The following TRABD2B variants were observed in gnomAD, a reference collection of about 807,000 sequenced individuals.
The protein encoded by TRABD2B is TraB domain containing 2B.
A neutral mutation model predicts 40.1 loss-of-function variants in TRABD2B; 14 were observed. The observed-to-expected ratio is 0.35, with a 90% CI of 0.23 to 0.55. TRABD2B has a LOEUF of 0.55. Ranked by LOEUF, TRABD2B falls within the 20% of genes least tolerant of loss-of-function variation. TRABD2B has a pLI of 0.90. For missense variants in TRABD2B, 541 were observed against 648.6 expected (o/e 0.83, Z 1.80); for synonymous variants, 263 against 277.0 (o/e 0.95, Z 0.50).
intron 3 of TRABD2B, among the ~76,000 whole-genome samples, chr1:47,797,941 T>C (rs1030960671): frequency 6.6e-6 from 1 of 152,132 alleles, no homozygotes; most frequent in Non-Finnish European, 1.5e-5. Flanking sequence ...CCATGAACCA[T>C]GTCAGGTCTA....
At chr1:47,794,792 T>C in intron 3 of TRABD2B, 32 bp from the exon 4 acceptor site, 1 of 666,982 alleles carries the variant, frequency 1.5e-6, no homozygotes, top group Non-Finnish European at 1.8e-6. Flanking sequence ...TGCCTTCAGT[T>C]TTTTTTTTTT....
chr1:47,800,347 T>G (rs892596989), intron 3 of TRABD2B, among the ~76,000 whole-genome samples: 1 of 152,066 alleles, frequency 6.6e-6, no homozygotes, highest in Non-Finnish European at 1.5e-5. Context: ...AGATTTTAGT[T>G]AAATGCTGCA....
intron 2 of TRABD2B, among the ~76,000 whole-genome samples, chr1:47,951,893 A>T (rs978364779): frequency 2.0e-5 from 3 of 152,230 alleles, no homozygotes; most frequent in African/African-American, 7.2e-5. Context: ...TAATCACAGA[A>T]TGCCAGAGGT....
chr1:47,807,309 A>G (rs1644905831), intron 2 of TRABD2B, among the ~76,000 whole-genome samples: 2 of 152,174 alleles, frequency 1.3e-5, no homozygotes, highest in Non-Finnish European at 2.9e-5. Context: ...GGTGAGGAAG[A>G]GTGTTTCTGG....
chr1:47,937,064 CATT>C lies in TRABD2B; in HGVS notation c.666+56967_666+56969del, dbSNP rs1238802411. 6.3e-5 allele frequency among the ~76,000 whole-genome samples: 9 copies of C among 143,842 alleles called. No homozygotes were observed. In the East Asian group the frequency reaches 1.4e-3, roughly 23 times the overall value. The allele number at this position is 143,842 out of a possible 152,430, so 94.4% of individuals were successfully genotyped here. Reference sequence around the variant, plus strand: ...TCACCACCACCACCATCATTATCATCATTATCACCATCATCATCACCACTACCA... The same window carrying C: ...TCACCACCACCACCATCATTATCATCATCACCATCATCATCACCACTACCA... On this transcript the variant is annotated intron_variant, in intron 2 of 6. Transcript: ENST00000606738.
chr1:47,861,807 C>T (rs892525400), intron 2 of TRABD2B, among the ~76,000 whole-genome samples: 2 of 152,202 alleles, frequency 1.3e-5, no homozygotes, highest in South Asian at 2.1e-4. Flanking sequence ...AAAGACATTA[C>T]AGGAAAAGAA....
chr1:47,866,964 C>A (rs1644067549), intron 2 of TRABD2B, among the ~76,000 whole-genome samples: 2 of 152,188 alleles, frequency 1.3e-5, no homozygotes, highest in South Asian at 4.1e-4. Flanking sequence ...CACAGCCAAT[C>A]TGCCCCTTAC....
At chr1:47,885,433 G>A (rs770298090) in intron 2 of TRABD2B, among the ~76,000 whole-genome samples, 2 of 152,196 alleles carry the variant, frequency 1.3e-5, no homozygotes, top group Non-Finnish European at 2.9e-5. Flanking sequence ...GGCTGTGTCT[G>A]CTTTTTTCCC....
intron 2 of TRABD2B, among the ~76,000 whole-genome samples, chr1:47,844,856 CAG>C (rs1429917223): frequency 6.6e-6 from 1 of 152,184 alleles, no homozygotes; most frequent in Admixed American, 6.5e-5. Flanking sequence ...CTTAGACACT[CAG>C]AGTCAGACTC....
At chr1:47,807,802 T>G (rs1378890435) in intron 2 of TRABD2B, among the ~76,000 whole-genome samples, 1 of 152,234 alleles carries the variant, frequency 6.6e-6, no homozygotes, top group Non-Finnish European at 1.5e-5. Context: ...CCAAAGACTT[T>G]GCATCCTCTT....
chr1:47,827,974 A>G (rs1167058996), intron 2 of TRABD2B, among the ~76,000 whole-genome samples: 2 of 152,174 alleles, frequency 1.3e-5, no homozygotes, highest in Non-Finnish European at 2.9e-5. Context: ...AAGGGGTGGG[A>G]GTCCAGCAAG....
At chr1:47,838,942 T>C (rs757268638) in intron 2 of TRABD2B, among the ~76,000 whole-genome samples, 6 of 152,180 alleles carry the variant, frequency 3.9e-5, no homozygotes, top group Non-Finnish European at 8.8e-5. Flanking sequence ...CCAGCTGGCT[T>C]GCGGCCTGGG....
chr1:47,835,021 T>C (rs1015866715), intron 2 of TRABD2B, among the ~76,000 whole-genome samples: 2 of 152,198 alleles, frequency 1.3e-5, no homozygotes, highest in African/African-American at 4.8e-5. Context: ...GGAAACCATG[T>C]CTGAAGAACT....
chr1:47,802,923 G>C (rs927884290), intron 2 of TRABD2B, among the ~76,000 whole-genome samples: 1 of 152,080 alleles, frequency 6.6e-6, no homozygotes, highest in Non-Finnish European at 1.5e-5. Flanking sequence ...GAGCCTCCAA[G>C]GCAGTAACCT....
intron 2 of TRABD2B, among the ~76,000 whole-genome samples, chr1:47,898,034 A>G (rs528755691): frequency 3.3e-5 from 5 of 152,216 alleles, no homozygotes; most frequent in Admixed American, 2.0e-4. Flanking sequence ...TAATCACTCC[A>G]ACAACACAGG....
intron 2 of TRABD2B, among the ~76,000 whole-genome samples, chr1:47,886,676 C>T (rs1361750156): frequency 6.6e-6 from 1 of 152,160 alleles, no homozygotes; most frequent in South Asian, 2.1e-4. Context: ...TCTTCTATTC[C>T]TTCAGAAATA....
rs569053218 is a variant in TRABD2B, at chr1:47,905,188, G to C, written c.666+88846C>G. On this transcript the variant is annotated intron_variant, in intron 2 of 6. Transcript: ENST00000606738. The stretch of plus-strand genomic sequence containing the variant: ...AAGCAAATGGAATGAGGTAACACAT[G>C]TATAAGCATCTGGCTCATGCCTGGA... Among the ~76,000 whole-genome samples the C allele has an allele frequency of 3.9e-5, 6 of 152,378 alleles. No individual in the cohort carries two copies. In the East Asian group the frequency reaches 5.8e-4, roughly 15 times the overall value.
At chr1:47,980,098 C>A (rs1645819236) in intron 2 of TRABD2B, among the ~76,000 whole-genome samples, 2 of 152,172 alleles carry the variant, frequency 1.3e-5, no homozygotes, top group Admixed American at 6.5e-5. Context: ...CATCATGTGA[C>A]CCCTATGTGC....
intron 2 of TRABD2B, among the ~76,000 whole-genome samples, chr1:47,976,710 T>G (rs891452404): frequency 6.6e-6 from 1 of 152,136 alleles, no homozygotes; most frequent in Non-Finnish European, 1.5e-5. Flanking sequence ...CTGAGGTAGA[T>G]AGGGATGGAA....
Sources: gnomAD v4.1 joint callset for allele counts (sites outside exome capture counted in the v4.1 genomes callset) on GRCh38, gnomAD v4.1.1 for gene constraint, MANE v1.5 for transcripts, NCBI Gene and HGNC (gene_info 2026-07-23, HGNC 2026-07-21) for gene names.